Variants in FAN1 observed in about 807,000 individuals in gnomAD.
FAN1 encodes the protein FANCD2 and FANCI associated nuclease 1, also known as fanconi-associated nuclease 1.
A neutral mutation model predicts 104.9 loss-of-function variants in FAN1; 91 were observed. The ratio of observed to expected loss-of-function variants is 0.87; its 90% CI spans 0.73 to 1.03. FAN1 has a LOEUF of 1.03. Among genes scored for constraint, FAN1 ranks in the 50% least tolerant of loss-of-function variants. The probability of loss-of-function intolerance (pLI) is 0.00; values close to 1 mark genes in which losing one functional copy is unlikely to be tolerated. For missense variants in FAN1, 1,263 were observed against 1,239.9 expected, an observed-to-expected ratio of 1.02 and a Z score of -0.28; for synonymous variants, 478 against 457.6, an observed-to-expected ratio of 1.04 and a Z score of -0.57.
intron 6 of FAN1, among the ~76,000 whole-genome samples, 193 bp from the exon 7 acceptor site, chr15:30,920,352 G>C (rs533829065): frequency 1.1e-4 from 16 of 152,342 alleles, no homozygotes; most frequent in African/African-American, 3.8e-4. Flanking sequence ...TTACTCCACT[G>C]TCTGAGTGAC....
intron 13 of FAN1, 22 bp downstream of exon 13, chr15:30,930,693 A>G: frequency 6.2e-7 from 1 of 1,611,946 alleles, no homozygotes; most frequent in Non-Finnish European, 8.5e-7. Context: ...CAGAATGGAA[A>G]GTCCTGTTGG....
At chr15:30,921,814 C>T (rs1446184073) in intron 7 of FAN1, among the ~76,000 whole-genome samples, 2 of 152,166 alleles carry the variant, frequency 1.3e-5, no homozygotes. Context: ...TGAGGACACC[C>T]CTCATTACTT....
At chr15:30,931,843 T>C (rs1002139123) in intron 13 of FAN1, among the ~76,000 whole-genome samples, 23 of 152,168 alleles carry the variant, frequency 1.5e-4, no homozygotes, top group Admixed American at 1.2e-3. Context: ...GTAAGTCCTA[T>C]AATGACTTGT....
chr15:30,928,595 T>C lies in FAN1; in HGVS notation c.2531T>C (p.Leu844Pro), dbSNP rs777494363. ...EGSTFSTLYG[L>P]LLWDIIFMDG... ...TCCACCTTCAGCACCCTGTATGGCC[T>C]CCTCCTGTGGGACATCATCTTCATG... The change falls in exon 11 of 15, where the codon CTC becomes CCC. Residue 844 changes from leucine to proline, a missense_variant. Around this residue, in one of 2 missense-constraint regions of FAN1, gnomAD observed 581 missense variants for 668.8 expected, o/e 0.87. Transcript: ENST00000362065. 6.2e-7 allele frequency: 1 copy of C among 1,611,504 alleles called. No individual in the cohort carries two copies. Among genetic ancestry groups the C allele is most frequent in the East Asian group, 2.2e-5 (1 of 44,648 alleles).
At position 30,905,900 on chromosome 15, in the gene FAN1, A is replaced by G; in HGVS notation, c.1234+3A>G. 1 of 1,608,938 alleles carries G rather than the reference A, an allele frequency of 6.2e-7. No homozygotes were observed. Among genetic ancestry groups the G allele is most frequent in the South Asian group, 1.1e-5 (1 of 90,714 alleles). ...AACTAAATTTTATCAGTTATCAGGT[A>G]TCTTACGCACGTGTTTGTTTTCAAG... On this transcript the variant is annotated splice_donor_region_variant and intron_variant, in intron 2 of 14. Coordinates refer to ENST00000362065, the MANE Select transcript of FAN1 (RefSeq NM_014967.5).
chr15:30,904,822 A>G lies in FAN1; in HGVS notation c.159A>G (p.Arg53=). Residue 53 remains arginine, a synonymous_variant, in exon 2 of 15, where the codon AGA becomes AGG. Transcript: ENST00000362065. ...CCGTTTGCAGTAAAATGGTGCCTAG[A>G]TATGACTTAAACCGGCACCTTGATG... ...ACPVCSKMVP[R]YDLNRHLDEM... The G allele has an allele frequency of 6.2e-7, 1 of 1,613,546 alleles. No homozygotes were observed. The highest frequency in any genetic ancestry group is 1.3e-5 in the African/African-American group (1 of 75,052).
At chr15:30,929,683 AAT>A (rs1202749703) in intron 12 of FAN1, among the ~76,000 whole-genome samples, 9 of 116,170 alleles carry the variant, frequency 7.7e-5, no homozygotes, top group East Asian at 4.3e-4. Flanking sequence ...TATATCATAT[AAT>A]ATATATAAAA....
intron 5 of FAN1, among the ~76,000 whole-genome samples, chr15:30,917,208 C>T (rs1187894338): frequency 4.6e-5 from 7 of 152,042 alleles, no homozygotes; most frequent in African/African-American, 7.2e-5. Flanking sequence ...TGGGGTGGGG[C>T]GCCATCCAGT....
rs1234736652 is a variant in FAN1, at chr15:30,928,441, T to C, written c.2489-112T>C. The C allele has an allele frequency of 2.6e-6, 4 of 1,514,842 alleles. No homozygotes were observed. The African/African-American group carries it at 5.6e-5, about 21-fold the overall frequency. 93.8% of individuals were successfully genotyped at this position (1,514,842 alleles called of 1,614,324 possible). ...TTCTGAATCTAAAATATTTCTATTA[T>C]TTTCTTGAAATTGAGTGTGCAGTAG... On this transcript the variant is annotated intron_variant, in intron 10 of 14. Transcript: ENST00000362065.
intron 2 of FAN1, among the ~76,000 whole-genome samples, chr15:30,907,539 A>C (rs28691848): frequency 1.3e-5 from 2 of 151,828 alleles, no homozygotes; most frequent in Non-Finnish European, 2.9e-5. Flanking sequence ...AAACAAAAAC[A>C]AAACAAAAAA....
rs568635263 is a variant in FAN1 at position 30,910,741 on chromosome 15, C to G, written c.1503C>G (p.Leu501=). Residue 501 remains leucine, a synonymous_variant, in exon 4 of 15, where the codon CTC becomes CTG. Coordinates refer to ENST00000362065, the MANE Select transcript of FAN1 (RefSeq NM_014967.5). ...AACAGCAGCTGGTGGACGCCTTTCT[C>G]AAATTGGCCAAACAGCGTTCAGTCT... The part of the protein sequence containing the change: ...GQKQQLVDAF[L]KLAKQRSVCT... 6 of 1,614,096 alleles carry G rather than the reference C, an allele frequency of 3.7e-6. No individual in the cohort carries two copies. The East Asian group carries it at 1.3e-4, about 36-fold the overall frequency.
Position 30,929,370 on chromosome 15 carries a change from T to G in FAN1, c.2760T>G (p.Asp920Glu). Residue 920 changes from aspartate to glutamate, a missense_variant, in exon 12 of 15, where the codon GAT becomes GAG. By Grantham distance (45) the Asp-to-Glu change is conservative. Around this residue, in one of 2 missense-constraint regions of FAN1, gnomAD observed 581 missense variants for 668.8 expected, o/e 0.87. Coordinates refer to ENST00000362065, the MANE Select transcript of FAN1 (RefSeq NM_014967.5). ...EGRVASLVSW[D>E]RFTSLQQAQD... The stretch of plus-strand genomic sequence containing the variant: ...GAGTGGCTTCCCTTGTCAGCTGGGA[T>G]CGCTTCACGTCTCTTCAGCAAGCTC... 6.2e-7 allele frequency: 1 copy of G among 1,607,842 alleles called. No homozygotes were observed. The highest frequency in any genetic ancestry group is 8.5e-7 in the Non-Finnish European group (1 of 1,177,176).
intron 2 of FAN1, among the ~76,000 whole-genome samples, chr15:30,907,381 G>A (rs964938193): frequency 6.6e-6 from 1 of 152,104 alleles, no homozygotes; most frequent in Non-Finnish European, 1.5e-5. Context: ...AGCCGGGCAT[G>A]GTGGTGGGCG....
chr15:30,905,464 A>G lies in FAN1; in HGVS notation c.801A>G (p.Pro267=). The change falls in exon 2 of 15, where the codon CCA becomes CCG. Residue 267 remains proline, a synonymous_variant. Transcript: ENST00000362065. Reference sequence around the variant, plus strand: ...ATAATGCGATCATGTTATTCTCACCAGATTTCACTCTTAGGAATACATTAA... The same window carrying G: ...ATAATGCGATCATGTTATTCTCACCGGATTTCACTCTTAGGAATACATTAA... ...FSDNAIMLFS[P]DFTLRNTLKS... The G allele has an allele frequency of 6.2e-7, 1 of 1,614,014 alleles. No homozygotes were observed. The highest frequency in any genetic ancestry group is 8.5e-7 in the Non-Finnish European group (1 of 1,179,862).
chr15:30,924,952 T>G, intron 8 of FAN1, 175 bp from the exon 9 acceptor site: 1 of 623,652 alleles, frequency 1.6e-6, no homozygotes, highest in South Asian at 2.7e-5. Context: ...CCAGATGCAT[T>G]GAAATCCTCA....
Position 30,914,075 on chromosome 15 carries a change from A to G in FAN1, c.1795A>G (p.Arg599Gly), listed in dbSNP as rs1311004588. The G allele has an allele frequency of 1.2e-6, 2 of 1,612,518 alleles. No homozygotes were observed. The highest frequency in any genetic ancestry group is 1.7e-6 in the Non-Finnish European group (2 of 1,178,522). The change falls in exon 5 of 15, where the codon AGA becomes GGA. Residue 599 changes from arginine to glycine, a missense_variant. Arg to Gly is a moderately radical substitution (Grantham distance 125). Around this residue, in one of 2 missense-constraint regions of FAN1, gnomAD observed 581 missense variants for 668.8 expected, o/e 0.87. Coordinates refer to ENST00000362065, the MANE Select transcript of FAN1 (RefSeq NM_014967.5). The stretch of plus-strand genomic sequence containing the variant: ...TCGGAAAACCCACATCTTCCAAGAC[A>G]GAGATGATCTTATCAGGTAAGATGA... ...INRKTHIFQD[R>G]DDLIRYAAAT...
At chr15:30,928,096 C>T (rs902964287) in intron 10 of FAN1, 5 of 1,000,108 alleles carry the variant, frequency 5.0e-6, no homozygotes, top group Admixed American at 5.6e-5. Flanking sequence ...TGGCTGCTGC[C>T]GGCCTCCGGG....
chr15:30,938,863 G>A (rs997459412), intron 14 of FAN1: 22 of 954,470 alleles, frequency 2.3e-5, no homozygotes, highest in African/African-American at 3.5e-5. Flanking sequence ...TGACACAGAA[G>A]TATGGGTAGG....
intron 9 of FAN1, among the ~76,000 whole-genome samples, chr15:30,925,534 G>A (rs1380582558): frequency 6.6e-6 from 1 of 152,206 alleles, no homozygotes; most frequent in Non-Finnish European, 1.5e-5. Flanking sequence ...CCTGAATGGG[G>A]CCTCTCAGCA....
Sources: allele counts gnomAD v4.1 joint callset (sites outside exome capture counted in the v4.1 genomes callset), GRCh38; gene constraint gnomAD v4.1.1; regional missense constraint gnomAD v4.1.1; transcripts MANE v1.5; gene names NCBI Gene and HGNC (gene_info 2026-07-23, HGNC 2026-07-21).